The following SLC71A1 variants were observed in gnomAD, a reference collection of about 807,000 sequenced individuals.
The protein encoded by SLC71A1 is solute carrier family 71 member 1.
the SLC71A1 span, among the ~76,000 whole-genome samples, chr1:100,047,570 G>C: frequency 6.6e-6 from 1 of 152,132 alleles, no homozygotes. Flanking sequence ...TTACAGGCAT[G>C]CGCCACCACG....
At chr1:100,041,187 A>G in the SLC71A1 span, among the ~76,000 whole-genome samples, 1 of 152,368 alleles carries the variant, frequency 6.6e-6, no homozygotes, top group Middle Eastern at 3.4e-3. Context: ...CTGAAGAAAT[A>G]AATCCTTCTA....
the SLC71A1 span, among the ~76,000 whole-genome samples, chr1:100,062,664 A>G: frequency 6.6e-6 from 1 of 152,316 alleles, no homozygotes; most frequent in South Asian, 2.1e-4. Context: ...AGGACTGAAT[A>G]TTGTGTTGGG....
chr1:100,053,256 G>A, the SLC71A1 span, among the ~76,000 whole-genome samples: 1 of 152,012 alleles, frequency 6.6e-6, no homozygotes, highest in African/African-American at 2.4e-5. Context: ...CTTTGTTTTG[G>A]GCCCCAGTAC....
At chr1:100,078,498 T>G in the SLC71A1 span, 1 of 1,613,924 alleles carries the variant, frequency 6.2e-7, no homozygotes, top group Non-Finnish European at 8.5e-7. Context: ...AGCATCACCT[T>G]TCCTGCTGTC....
chr1:100,038,525 T>C, the SLC71A1 span, among the ~76,000 whole-genome samples: 1 of 152,068 alleles, frequency 6.6e-6, no homozygotes, highest in Non-Finnish European at 1.5e-5. Context: ...CCGGGGCCCG[T>C]CCTCTTTCTT....
the SLC71A1 span, among the ~76,000 whole-genome samples, chr1:100,051,087 A>G: frequency 6.9e-6 from 1 of 145,328 alleles, no homozygotes; most frequent in South Asian, 2.1e-4. Context: ...CCTTGTCTCA[A>G]AAAAAAAAAA....
At chr1:100,068,524 G>C in the SLC71A1 span, 3 of 1,614,096 alleles carry the variant, frequency 1.9e-6, no homozygotes, top group Non-Finnish European at 2.5e-6. Flanking sequence ...CTGCATTACA[G>C]TGTTTCTCTC....
the SLC71A1 span, among the ~76,000 whole-genome samples, chr1:100,051,962 G>C: frequency 6.6e-6 from 1 of 152,114 alleles, no homozygotes; most frequent in Non-Finnish European, 1.5e-5. Flanking sequence ...TGAGGAAACC[G>C]GGGCTTAGAA....
At chr1:100,055,345 A>ATT in the SLC71A1 span, among the ~76,000 whole-genome samples, 924 of 140,246 alleles carry the variant, frequency 6.6e-3, 16 homozygotes, top group African/African-American at 0.023. Flanking sequence ...CTTTTTTGCA[A>ATT]TTTTTTTTTT....
At chr1:100,066,902 T>A in the SLC71A1 span, among the ~76,000 whole-genome samples, 2 of 134,704 alleles carry the variant, frequency 1.5e-5, no homozygotes, top group Admixed American at 9.1e-5. Flanking sequence ...GGCAGGAGAA[T>A]GGCGTAAACC....
At chr1:100,058,568 A>G in the SLC71A1 span, 1 of 697,560 alleles carries the variant, frequency 1.4e-6, no homozygotes, top group East Asian at 2.5e-5. Flanking sequence ...AAAATAAATC[A>G]GATTGTAGTA....
At chr1:100,040,621 T>C in the SLC71A1 span, among the ~76,000 whole-genome samples, 4 of 152,090 alleles carry the variant, frequency 2.6e-5, no homozygotes, top group Admixed American at 1.3e-4. Flanking sequence ...CCACCATGCC[T>C]GGCTAATTTT....
chr1:100,080,398 T>C, the SLC71A1 span: 3 of 960,962 alleles, frequency 3.1e-6, no homozygotes, highest in South Asian at 1.6e-5. Flanking sequence ...GATAAGAAGC[T>C]TGATTTTAGA....
At chr1:100,069,759 A>G in the SLC71A1 span, 1 of 883,636 alleles carries the variant, frequency 1.1e-6, no homozygotes, top group Non-Finnish European at 1.9e-6. Flanking sequence ...TCATCTAGTG[A>G]TGGTATCTTG....
chr1:100,067,943 T>G, the SLC71A1 span: 2 of 1,576,976 alleles, frequency 1.3e-6, no homozygotes, highest in Non-Finnish European at 1.7e-6. Context: ...AAAAGTAGCC[T>G]GACTAATCTC....
chr1:100,054,609 A>G, the SLC71A1 span, among the ~76,000 whole-genome samples: 3 of 152,116 alleles, frequency 2.0e-5, no homozygotes, highest in Non-Finnish European at 4.4e-5. Flanking sequence ...GGAACACTCA[A>G]AATCCACTAG....
chr1:100,066,857 C>T, the SLC71A1 span, among the ~76,000 whole-genome samples: 14 of 151,970 alleles, frequency 9.2e-5, no homozygotes, highest in African/African-American at 2.2e-4. Context: ...GGCGAGGTGG[C>T]GGGCGCCTGT....
At chr1:100,071,808 T>A in the SLC71A1 span, among the ~76,000 whole-genome samples, 1 of 152,044 alleles carries the variant, frequency 6.6e-6, no homozygotes, top group Non-Finnish European at 1.5e-5. Flanking sequence ...TTCCTCTGTT[T>A]AGCAGATGGC....
At chr1:100,075,490 G>A in the SLC71A1 span, among the ~76,000 whole-genome samples, 2 of 152,146 alleles carry the variant, frequency 1.3e-5, no homozygotes, top group East Asian at 1.9e-4. Flanking sequence ...ATAGTTCCCT[G>A]TTCTTCTCAG....
Sources: gnomAD v4.1 joint callset for allele counts (sites outside exome capture counted in the v4.1 genomes callset) on GRCh38, gnomAD v4.1.1 for gene constraint, MANE v1.5 for transcripts, NCBI Gene and HGNC (gene_info 2026-07-23, HGNC 2026-07-21) for gene names.